The following ASRGL1 variants were observed in gnomAD, a reference collection of about 807,000 sequenced individuals.
ASRGL1 encodes the protein isoaspartyl peptidase/L-asparaginase.
In ASRGL1, 16 loss-of-function variants were observed where a neutral mutation model predicts 22.4. That is an observed-to-expected ratio of 0.71 (90% CI 0.48 to 1.08). The LOEUF is 1.08. Ranked by LOEUF, ASRGL1 falls within the 50% of genes least tolerant of loss-of-function variation. ASRGL1 has a pLI of 0.00. For missense variants in ASRGL1, 412 were observed against 410.1 expected (o/e 1.00, Z -0.04); for synonymous variants, 165 against 159.3 (o/e 1.04, Z -0.27).
At chr11:62,397,770 T>G (rs1353470740), downstream of ASRGL1, among the ~76,000 whole-genome samples, 2 of 152,168 alleles carry the variant, frequency 1.3e-5, no homozygotes, top group Non-Finnish European at 2.9e-5. Flanking sequence ...GGTGTGTATA[T>G]GCATAATTAT....
At position 62,392,122 on chromosome 11, in the gene ASRGL1, G is replaced by GAAGTCAAGGGTTAA. The variant is rs1209512054; in HGVS notation, c.767_780dup (p.Gly261SerfsTer7). On this transcript the variant is annotated frameshift_variant, in exon 7 of 7. Transcript: ENST00000415229. LOFTEE classifies it low-confidence loss of function (END_TRUNC). ...CTGCGGACCTATCGTTGGGTTATAT[G>GAAGTCAAGGGTTAA]AAGTCAAGGGTTAAAGGTTTAGGTG... The GAAGTCAAGGGTTAA allele has an allele frequency of 1.9e-6, 3 of 1,614,206 alleles. No individual in the cohort carries two copies. In the East Asian group the frequency reaches 6.7e-5, roughly 36 times the overall value.
At chr11:62,395,470 G>T (rs565409213), downstream of ASRGL1, among the ~76,000 whole-genome samples, 1 of 152,144 alleles carries the variant, frequency 6.6e-6, no homozygotes, top group African/African-American at 2.4e-5. Context: ...AGAGTCCTGG[G>T]TAAGGAAGGG....
intron 4 of ASRGL1, chr11:62,382,673 T>A (rs1315440943): frequency 6.6e-6 from 1 of 151,884 alleles, no homozygotes; most frequent in African/African-American, 2.4e-5. Context: ...GGTGTCGGGC[T>A]GGGGGACAGT....
chr11:62,383,400 G>C (rs1178788064), intron 4 of ASRGL1, among the ~76,000 whole-genome samples: 1 of 146,424 alleles, frequency 6.8e-6, no homozygotes. Context: ...TCAGGAGATC[G>C]AGACCATCCC....
rs17157218 is a variant in ASRGL1, at chr11:62,392,009, T to A, written c.722-70T>A. The A allele has an allele frequency of 1.0e-3, 1,590 of 1,549,028 alleles. 22 individuals are homozygous for A. The East Asian group carries it at 0.031, about 31-fold the overall frequency. Reference sequence around the variant, plus strand: ...TGCTAGCTCACTTTGGCATTTCAAATGGCAAGTGATTTTCCCATGAGATTC... The same window carrying A: ...TGCTAGCTCACTTTGGCATTTCAAAAGGCAAGTGATTTTCCCATGAGATTC... On this transcript the variant is annotated intron_variant, in intron 6 of 6. Coordinates refer to ENST00000415229, the MANE Select transcript of ASRGL1 (RefSeq NM_001083926.2).
At chr11:62,357,590 C>A (rs955969387) in intron 4 of ASRGL1, among the ~76,000 whole-genome samples, 1 of 151,754 alleles carries the variant, frequency 6.6e-6, no homozygotes, top group African/African-American at 2.4e-5. Flanking sequence ...AAGAATTTCA[C>A]GTATTAATGT....
At chr11:62,360,443 T>A (rs1218735357) in intron 4 of ASRGL1, among the ~76,000 whole-genome samples, 1 of 152,030 alleles carries the variant, frequency 6.6e-6, no homozygotes, top group East Asian at 1.9e-4. Context: ...CTTAGATTAT[T>A]GAAAATGAGT....
intron 2 of ASRGL1, among the ~76,000 whole-genome samples, chr11:62,352,034 C>T (rs1946179180): frequency 1.3e-5 from 2 of 152,176 alleles, no homozygotes; most frequent in African/African-American, 4.8e-5. Context: ...TTTCCATTTG[C>T]CCTTATCTGT....
At chr11:62,373,087 C>G in intron 4 of ASRGL1, 1 of 1,466,698 alleles carries the variant, frequency 6.8e-7, no homozygotes, top group Non-Finnish European at 9.6e-7. Context: ...ATGGGCTACT[C>G]ACACTCCTTG....
intron 4 of ASRGL1, chr11:62,372,800 C>T (rs879173535): frequency 1.6e-5 from 26 of 1,585,186 alleles, no homozygotes; most frequent in South Asian, 1.2e-4. Context: ...GCTCCTTTGC[C>T]GTCAGTGAAG....
chr11:62,387,676 T>G (rs781781580), intron 4 of ASRGL1, among the ~76,000 whole-genome samples: 4 of 152,330 alleles, frequency 2.6e-5, no homozygotes, highest in Non-Finnish European at 4.4e-5. Context: ...CCATCACTCT[T>G]CCCTGGTGCT....
intron 2 of ASRGL1, among the ~76,000 whole-genome samples, chr11:62,342,347 A>G (rs1354591388): frequency 6.6e-6 from 1 of 152,236 alleles, no homozygotes; most frequent in South Asian, 2.1e-4. Context: ...CTAAGAACGT[A>G]AAGTACAGTG....
At chr11:62,389,449 C>T (rs1047475021) in intron 5 of ASRGL1, 198 bp downstream of exon 5, 2 of 667,716 alleles carry the variant, frequency 3.0e-6, no homozygotes, top group Non-Finnish European at 5.5e-6. Context: ...TTGTATCTGG[C>T]GCCACTGTTT....
intron 2 of ASRGL1, among the ~76,000 whole-genome samples, chr11:62,344,673 A>G (rs950859651): frequency 6.6e-6 from 1 of 152,126 alleles, no homozygotes; most frequent in African/African-American, 2.4e-5. Flanking sequence ...CAGACATGCA[A>G]TGCATAATAA....
chr11:62,362,741 ATAT>A (rs1946505289), intron 4 of ASRGL1, among the ~76,000 whole-genome samples: 1 of 107,690 alleles, frequency 9.3e-6, no homozygotes, highest in African/African-American at 3.6e-5. Context: ...AATATAATAT[ATAT>A]TATATATATA....
At chr11:62,346,005 G>A (rs995760400) in intron 2 of ASRGL1, among the ~76,000 whole-genome samples, 3 of 152,176 alleles carry the variant, frequency 2.0e-5, no homozygotes, top group Non-Finnish European at 2.9e-5. Flanking sequence ...TATGATAAAG[G>A]ATACAGATGA....
In ASRGL1 at chr11:62,393,360, A is replaced by AG; in HGVS notation, c.*1076_*1077insG. ...CAGGCTCACCTTCTCTCTGGAAAGA[A>AG]TTTGCTTAACTTGACATTCCATGTG... On this transcript the variant is annotated 3_prime_UTR_variant, in exon 7 of 7. Coordinates refer to ENST00000415229, the MANE Select transcript of ASRGL1 (RefSeq NM_001083926.2). The AG allele has an allele frequency of 6.6e-6, 1 of 152,204 alleles. No homozygotes were observed. Among genetic ancestry groups the AG allele is most frequent in the Non-Finnish European group, 1.5e-5 (1 of 68,050 alleles). The allele number at this position is 152,204 out of a possible 1,614,324, so 9.4% of individuals were successfully genotyped here. A position where few individuals can be genotyped will look rare whatever the true frequency, so the allele number is the denominator to read the frequency against.
In ASRGL1 at chr11:62,392,396, CTTG is replaced by C; in HGVS notation, c.*115_*117del. On this transcript the variant is annotated 3_prime_UTR_variant, in exon 7 of 7. Transcript: ENST00000415229. ...ATTGGAAAAATTGTCCCGTCTGTCA[CTTG>C]TTTTGTTGCCTTAATAAGCATCTGA... 2 of 1,319,830 alleles carry C rather than the reference CTTG, an allele frequency of 1.5e-6. No individual in the cohort carries two copies. Among genetic ancestry groups the C allele is most frequent in the South Asian group, 2.7e-5 (2 of 75,412 alleles). 81.8% of individuals were successfully genotyped at this position (1,319,830 alleles called of 1,614,324 possible). A position where few individuals can be genotyped will look rare whatever the true frequency, so the allele number is the denominator to read the frequency against.
At chr11:62,399,237 A>G in the ASRGL1 span, among the ~76,000 whole-genome samples, 1 of 152,148 alleles carries the variant, frequency 6.6e-6, no homozygotes, top group Admixed American at 6.5e-5. Flanking sequence ...AACTTCCAAC[A>G]TATTTGTCCA....
Sources: gnomAD v4.1 joint callset for allele counts (sites outside exome capture counted in the v4.1 genomes callset) on GRCh38, gnomAD v4.1.1 for gene constraint, MANE v1.5 for transcripts, NCBI Gene and HGNC (gene_info 2026-07-23, HGNC 2026-07-21) for gene names.